The following RNF150 variants were observed in gnomAD, a reference collection of about 807,000 sequenced individuals.
The protein encoded by RNF150 is ring finger protein 150.
RNF150 carries 24 observed loss-of-function variants against 39.3 expected under a neutral mutation model. That is an observed-to-expected ratio of 0.61 (90% CI 0.44 to 0.86). RNF150 has a LOEUF of 0.86. Ranked by LOEUF, RNF150 falls within the 40% of genes least tolerant of loss-of-function variation. The probability of loss-of-function intolerance (pLI) is 0.00; values close to 1 mark genes in which losing one functional copy is unlikely to be tolerated. For missense variants in RNF150, 502 were observed against 587.8 expected (o/e 0.85, Z 1.51); for synonymous variants, 255 against 227.3 (o/e 1.12, Z -1.10).
rs557125992 is a variant in RNF150 at position 141,008,635 on chromosome 4, C to T, written c.485-40762G>A. Among the ~76,000 whole-genome samples, 52 of 152,288 alleles carry T rather than the reference C, an allele frequency of 3.4e-4. 1 individual carries two copies. In the South Asian group the frequency reaches 0.01, roughly 30 times the overall value. On this transcript the variant is annotated intron_variant, in intron 1 of 6. Transcript: ENST00000515673. ...TTGTTCCACATGAATATATAACAGA[C>T]TTAGCACAATTCATTTAAAATTCCA...
intron 1 of RNF150, among the ~76,000 whole-genome samples, chr4:141,115,523 C>T (rs1221121774): frequency 6.6e-6 from 1 of 152,144 alleles, no homozygotes; most frequent in African/African-American, 2.4e-5. Flanking sequence ...ACATTCCATG[C>T]TCATGGATAG....
intron 1 of RNF150, among the ~76,000 whole-genome samples, chr4:141,023,438 T>G (rs1227411668): frequency 6.6e-6 from 1 of 151,876 alleles, no homozygotes; most frequent in Admixed American, 6.6e-5. Flanking sequence ...TTTTAAGTAG[T>G]TATGGGTTTC....
intron 1 of RNF150, among the ~76,000 whole-genome samples, chr4:141,004,738 T>C (rs1180402283): frequency 6.6e-6 from 1 of 152,188 alleles, no homozygotes; most frequent in Non-Finnish European, 1.5e-5. Context: ...TTGAGACATA[T>C]GGACTTCAAG....
chr4:140,986,721 A>G (rs1734027656), intron 1 of RNF150, among the ~76,000 whole-genome samples: 1 of 152,084 alleles, frequency 6.6e-6, no homozygotes, highest in Admixed American at 6.6e-5. Flanking sequence ...CCTTCTATGC[A>G]AATACCGTTT....
At chr4:140,899,974 CTGTGTG>C (rs71852763) in intron 6 of RNF150, among the ~76,000 whole-genome samples, 11 of 69,214 alleles carry the variant, frequency 1.6e-4, no homozygotes, top group African/African-American at 3.0e-4. Context: ...CTCTCTCTCT[CTGTGTG>C]TGTGTGTGTG....
At chr4:140,957,327 A>C (rs1389990805) in intron 2 of RNF150, among the ~76,000 whole-genome samples, 19 of 150,860 alleles carry the variant, frequency 1.3e-4, no homozygotes, top group Admixed American at 2.0e-4. Flanking sequence ...CCATCAGAGA[A>C]ATGCAAATCA....
At chr4:141,187,411 A>G (rs1164530098) in intron 1 of RNF150, among the ~76,000 whole-genome samples, 1 of 152,070 alleles carries the variant, frequency 6.6e-6, no homozygotes, top group Non-Finnish European at 1.5e-5. Context: ...ATCCTTGTGA[A>G]TTTTCAGTCT....
intron 1 of RNF150, among the ~76,000 whole-genome samples, chr4:140,992,364 A>C (rs1354381900): frequency 6.6e-6 from 1 of 152,132 alleles, no homozygotes; most frequent in African/African-American, 2.4e-5. Context: ...GTGAGATCCC[A>C]TCTCTACAAA....
intron 1 of RNF150, among the ~76,000 whole-genome samples, chr4:141,162,617 A>G (rs1416972422): frequency 6.6e-6 from 1 of 151,972 alleles, no homozygotes; most frequent in Non-Finnish European, 1.5e-5. Flanking sequence ...GGCTCATCCC[A>G]TTGGGACTGG....
At chr4:140,891,671 G>A (rs975741930) in intron 6 of RNF150, among the ~76,000 whole-genome samples, 2 of 152,100 alleles carry the variant, frequency 1.3e-5, no homozygotes, top group Non-Finnish European at 2.9e-5. Flanking sequence ...ATATAAAATG[G>A]TGTAGAATCT....
chr4:141,197,431 A>G (rs1268897683), intron 1 of RNF150, among the ~76,000 whole-genome samples: 1 of 152,216 alleles, frequency 6.6e-6, no homozygotes, highest in African/African-American at 2.4e-5. Flanking sequence ...AAAATTCTTA[A>G]TAGTTTTTAT....
chr4:141,001,403 T>C (rs1420010456), intron 1 of RNF150, among the ~76,000 whole-genome samples: 9 of 152,146 alleles, frequency 5.9e-5, no homozygotes. Flanking sequence ...TTCTCTCCTG[T>C]TTGTTCAGCT....
intron 1 of RNF150, among the ~76,000 whole-genome samples, chr4:141,119,026 G>A (rs1387542376): frequency 6.6e-6 from 1 of 152,164 alleles, no homozygotes; most frequent in Non-Finnish European, 1.5e-5. Context: ...CTCTCAAAGT[G>A]CAAGGATTAC....
At chr4:141,003,934 C>CT (rs1476083088) in intron 1 of RNF150, among the ~76,000 whole-genome samples, 1 of 152,076 alleles carries the variant, frequency 6.6e-6, no homozygotes, top group Non-Finnish European at 1.5e-5. Context: ...AGAAGCCCAC[C>CT]CGCATCAGGA....
At chr4:141,068,338 A>T (rs1346839799) in intron 1 of RNF150, among the ~76,000 whole-genome samples, 1 of 152,214 alleles carries the variant, frequency 6.6e-6, no homozygotes, top group Admixed American at 6.5e-5. Context: ...AGAAAAAAGT[A>T]GTTCCCAGGT....
chr4:140,887,411 T>G (rs1729617662), intron 6 of RNF150, among the ~76,000 whole-genome samples: 1 of 152,242 alleles, frequency 6.6e-6, no homozygotes, highest in African/African-American at 2.4e-5. Flanking sequence ...ATTTAATATA[T>G]TTACTGAGAA....
chr4:140,916,251 T>C (rs1730822658), intron 5 of RNF150, among the ~76,000 whole-genome samples: 1 of 152,114 alleles, frequency 6.6e-6, no homozygotes, highest in African/African-American at 2.4e-5. Flanking sequence ...TACTCTGAGC[T>C]AAAGAAGAAA....
chr4:140,907,044 A>G (rs1346058), intron 6 of RNF150, among the ~76,000 whole-genome samples: 103,658 of 151,678 alleles, frequency 0.68, 36,877 homozygotes, highest in Non-Finnish European at 0.78. Context: ...TCTTTCTCTC[A>G]CTTCTCTCTT....
At chr4:141,123,511 C>T (rs1241506427) in intron 1 of RNF150, among the ~76,000 whole-genome samples, 1 of 152,148 alleles carries the variant, frequency 6.6e-6, no homozygotes, top group Non-Finnish European at 1.5e-5. Context: ...TTGTGCAACC[C>T]TTGCTGACAT....
Sources: gnomAD v4.1 joint callset for allele counts (sites outside exome capture counted in the v4.1 genomes callset) on GRCh38, gnomAD v4.1.1 for gene constraint, MANE v1.5 for transcripts, NCBI Gene and HGNC (gene_info 2026-07-23, HGNC 2026-07-21) for gene names.